Variants in DRICH1 observed in about 807,000 individuals in gnomAD.
DRICH1 encodes aspartate-rich protein 1.
A neutral mutation model predicts 39.5 loss-of-function variants in DRICH1; 38 were observed. The ratio of observed to expected loss-of-function variants is 0.96; its 90% CI spans 0.74 to 1.26. The LOEUF (loss-of-function observed/expected upper bound fraction) is 1.26, where lower values mean the gene tolerates loss of function less well. Ranked by LOEUF, DRICH1 falls within the 50% of genes most tolerant of loss-of-function variation. The pLI is 0.00. For synonymous variants in DRICH1, 84 were observed against 99.5 expected (o/e 0.84, Z 0.93); for missense variants, 279 against 270.4 (o/e 1.03, Z -0.22).
chr22:23,600,758 T>C, the DRICH1 span, among the ~76,000 whole-genome samples: 7,992 of 151,604 alleles, frequency 0.053, 385 homozygotes, highest in African/African-American at 0.12. Context: ...CTGCAAGCTC[T>C]GCCTCCCGGG....
chr22:23,606,639 C>T (rs1471863339), downstream of DRICH1, among the ~76,000 whole-genome samples: 1 of 152,208 alleles, frequency 6.6e-6, no homozygotes, highest in Non-Finnish European at 1.5e-5. Context: ...CTTGGCTCCC[C>T]TACTCTGGGG....
chr22:23,618,347 C>T (rs1340118242), intron 6 of DRICH1, among the ~76,000 whole-genome samples: 1 of 152,098 alleles, frequency 6.6e-6, no homozygotes, highest in African/African-American at 2.4e-5. Flanking sequence ...ATCTCCTGAT[C>T]TCATGATCCA....
the DRICH1 span, among the ~76,000 whole-genome samples, chr22:23,596,102 A>G: frequency 2.0e-5 from 3 of 152,146 alleles, no homozygotes; most frequent in African/African-American, 7.2e-5. Flanking sequence ...TTTTTGCTGC[A>G]CACAGAGTCT....
chr22:23,612,466 C>CAAAA lies in DRICH1; in HGVS notation c.685+819_685+822dup, dbSNP rs1211963554. Among the ~76,000 whole-genome samples, 18 of 24,846 alleles carry CAAAA rather than the reference C, an allele frequency of 7.2e-4. 3 individuals are homozygous for CAAAA. The highest frequency in any genetic ancestry group is 1.6e-3 in the South Asian group (1 of 622). The allele number at this position is 24,846 out of a possible 152,430, so 16.3% of individuals were successfully genotyped here. On this transcript the variant is annotated intron_variant, in intron 11 of 11. Transcript: ENST00000317749. The stretch of plus-strand genomic sequence containing the variant: ...TGGGTGACAGAGCGAGACTCCATCT[C>CAAAA]AAAAAAAAAAAAAAAGAAAAAAAAA...
chr22:23,603,166 C>T, the DRICH1 span, among the ~76,000 whole-genome samples: 4 of 151,960 alleles, frequency 2.6e-5, no homozygotes, highest in African/African-American at 9.7e-5. Flanking sequence ...TTTTATCCCC[C>T]CAAAACAAAT....
At chr22:23,606,948 G>A (rs1926763958), downstream of DRICH1, 1 of 152,718 alleles carries the variant, frequency 6.5e-6, no homozygotes, top group Non-Finnish European at 1.5e-5. Context: ...AACCCACCAA[G>A]TTGCTCTGCA....
At chr22:23,618,878 G>C (rs1205875931) in intron 6 of DRICH1, among the ~76,000 whole-genome samples, 1 of 152,070 alleles carries the variant, frequency 6.6e-6, no homozygotes, top group Admixed American at 6.6e-5. Context: ...ATTGGTATAA[G>C]ATATCACAAA....
intron 8 of DRICH1, 58 bp from the exon 9 acceptor site, chr22:23,614,272 G>C (rs371479050): frequency 1.1e-5 from 14 of 1,249,800 alleles, no homozygotes; most frequent in Admixed American, 1.7e-5. Context: ...TGAGTCACTC[G>C]GGGAGCTTTG....
intron 3 of DRICH1, chr22:23,624,371 A>AATAGCCCATAAACAT: frequency 1.0e-6 from 1 of 980,196 alleles, no homozygotes; most frequent in Non-Finnish European, 1.2e-6. Context: ...CAGGATACTC[A>AATAGCCCATAAACAT]ATAGCCCATA....
At chr22:23,617,157 T>C (rs1021381536) in intron 7 of DRICH1, among the ~76,000 whole-genome samples, 1 of 152,224 alleles carries the variant, frequency 6.6e-6, no homozygotes, top group East Asian at 1.9e-4. Context: ...CAGTTGATGA[T>C]GGATGCTGTC....
intron 2 of DRICH1, 106 bp from the exon 3 acceptor site, chr22:23,625,010 C>G: frequency 7.7e-7 from 1 of 1,296,968 alleles, no homozygotes; most frequent in Non-Finnish European, 1.1e-6. Context: ...ACTTTTGAAA[C>G]AGTGGTTGAG....
the DRICH1 span, among the ~76,000 whole-genome samples, chr22:23,592,057 C>G: frequency 1.3e-5 from 2 of 152,322 alleles, no homozygotes; most frequent in Admixed American, 6.5e-5. Context: ...TCCCGAGGCA[C>G]GTCCTTCCCT....
intron 1 of DRICH1, among the ~76,000 whole-genome samples, chr22:23,631,415 AAAATAAATAAAT>A (rs144088461): frequency 3.4e-5 from 5 of 149,022 alleles, no homozygotes; most frequent in South Asian, 2.1e-4. Flanking sequence ...GACTCCATCT[AAAATAAATAAAT>A]AAATAAATAA....
chr22:23,619,996 G>A (rs1043922475), intron 5 of DRICH1, among the ~76,000 whole-genome samples: 1 of 152,080 alleles, frequency 6.6e-6, no homozygotes, highest in Non-Finnish European at 1.5e-5. Flanking sequence ...CAAAGACTCT[G>A]AGATTTTGCA....
chr22:23,628,644 T>C (rs1480632437), intron 1 of DRICH1, among the ~76,000 whole-genome samples: 1 of 152,180 alleles, frequency 6.6e-6, no homozygotes, highest in Non-Finnish European at 1.5e-5. Flanking sequence ...AGGCCATTCC[T>C]CAAGTGACTT....
downstream of DRICH1, among the ~76,000 whole-genome samples, chr22:23,606,374 G>C (rs17627842): frequency 6.6e-6 from 1 of 152,064 alleles, no homozygotes; most frequent in Non-Finnish European, 1.5e-5. Flanking sequence ...ACTTCTCCCA[G>C]TACCTGTACC....
chr22:23,586,556 T>G, the DRICH1 span, among the ~76,000 whole-genome samples: 1 of 152,148 alleles, frequency 6.6e-6, no homozygotes, highest in East Asian at 1.9e-4. Flanking sequence ...TGTTTGTTTG[T>G]TTTTGAGACT....
chr22:23,616,995 G>T, intron 7 of DRICH1, 121 bp from the exon 8 acceptor site: 1 of 1,149,162 alleles, frequency 8.7e-7, no homozygotes, highest in Non-Finnish European at 1.3e-6. Flanking sequence ...GTAAGTCAAG[G>T]TCAAAGACCA....
At chr22:23,632,675 A>AGGGGG (rs139174889), upstream of DRICH1, 4 of 139,858 alleles carry the variant, frequency 2.9e-5, no homozygotes, top group East Asian at 9.5e-4. Context: ...TGGGAGGCTG[A>AGGGGG]GCGGGGGGGG....
Sources: gnomAD v4.1 joint callset for allele counts (sites outside exome capture counted in the v4.1 genomes callset) on GRCh38, gnomAD v4.1.1 for gene constraint, MANE v1.5 for transcripts, NCBI Gene and HGNC (gene_info 2026-07-23, HGNC 2026-07-21) for gene names.